Variants in TAFA1 observed in about 807,000 individuals in gnomAD.
TAFA1 encodes chemokine-like protein TAFA-1.
In TAFA1, 4 loss-of-function variants were observed where a neutral mutation model predicts 18.5. The ratio of observed to expected loss-of-function variants is 0.22; its 90% CI spans 0.11 to 0.49. The LOEUF is 0.49. Ranked by LOEUF, TAFA1 falls within the 20% of genes least tolerant of loss-of-function variation. The probability of loss-of-function intolerance (pLI) is 0.98; values close to 1 mark genes in which losing one functional copy is unlikely to be tolerated. For synonymous variants in TAFA1, 56 were observed against 55.2 expected (o/e 1.01, Z -0.06); for missense variants, 147 against 169.0 (o/e 0.87, Z 0.72).
intron 2 of TAFA1, among the ~76,000 whole-genome samples, chr3:68,039,854 CAG>C (rs956394297): frequency 6.6e-6 from 1 of 152,170 alleles, no homozygotes; most frequent in African/African-American, 2.4e-5. Context: ...GGACATACCT[CAG>C]AGAAGTCCCA....
At chr3:68,139,392 A>T (rs1412879354) in intron 2 of TAFA1, among the ~76,000 whole-genome samples, 3 of 152,180 alleles carry the variant, frequency 2.0e-5, no homozygotes, top group Non-Finnish European at 1.5e-5. Context: ...AATGTACTGT[A>T]AGCATTGCTT....
chr3:68,052,118 A>G (rs1421987185), intron 2 of TAFA1, among the ~76,000 whole-genome samples: 1 of 152,156 alleles, frequency 6.6e-6, no homozygotes, highest in African/African-American at 2.4e-5. Context: ...GATTTTTGAA[A>G]TGGAATATCC....
At chr3:68,304,897 C>A (rs977456501) in intron 2 of TAFA1, among the ~76,000 whole-genome samples, 2 of 152,044 alleles carry the variant, frequency 1.3e-5, no homozygotes, top group African/African-American at 2.4e-5. Context: ...CAAAAGGTCA[C>A]CCCAGTAGAC....
chr3:68,066,839 G>A (rs546948074), intron 2 of TAFA1, among the ~76,000 whole-genome samples: 1 of 152,266 alleles, frequency 6.6e-6, no homozygotes. Context: ...ATACAAAATA[G>A]CTGGGAAGAA....
intron 2 of TAFA1, among the ~76,000 whole-genome samples, chr3:68,346,183 G>T (rs1419250095): frequency 2.0e-5 from 3 of 152,074 alleles, no homozygotes; most frequent in East Asian, 1.9e-4. Context: ...TTGAAACAGG[G>T]TTTTACTTTG....
Position 68,317,062 on chromosome 3 carries a change from T to A in TAFA1, c.119-100218T>A, listed in dbSNP as rs183892369. ...GGTACAGGATAAGACAAAAAGTAAG[T>A]CAAACTAAATACATATTAATTGAAG... On this transcript the variant is annotated intron_variant, in intron 2 of 4. Transcript: ENST00000478136. Among the ~76,000 whole-genome samples, 15 of 152,226 alleles carry A rather than the reference T, an allele frequency of 9.9e-5. No individual in the cohort carries two copies. The East Asian group carries it at 2.9e-3, about 29-fold the overall frequency.
intron 2 of TAFA1, among the ~76,000 whole-genome samples, chr3:68,294,623 AT>A (rs1483226135): frequency 5.3e-5 from 8 of 152,168 alleles, no homozygotes; most frequent in African/African-American, 1.7e-4. Context: ...GGTGGCTCAC[AT>A]CTATAATCTC....
rs1219091015 is a variant in TAFA1, at chr3:68,030,119, TATC to T, written c.118+23378_118+23380del. ...AAGAAATTAGAGAATATACTTAAAA[TATC>T]ATGAGAATAAAGATAAATGGAAATA... On this transcript the variant is annotated intron_variant, in intron 2 of 4. Coordinates refer to ENST00000478136, the MANE Select transcript of TAFA1 (RefSeq NM_213609.4). Among the ~76,000 whole-genome samples, 3 of 152,150 alleles carry T rather than the reference TATC, an allele frequency of 2.0e-5. No homozygotes were observed. The East Asian group carries it at 5.8e-4, about 29-fold the overall frequency.
chr3:68,343,467 A>T (rs1288907603), intron 2 of TAFA1, among the ~76,000 whole-genome samples: 1 of 152,342 alleles, frequency 6.6e-6, no homozygotes, highest in South Asian at 2.1e-4. Context: ...TATGTATGAT[A>T]GTAGTCTCTT....
At chr3:68,458,740 AC>A (rs1434238014) in intron 3 of TAFA1, among the ~76,000 whole-genome samples, 1 of 152,130 alleles carries the variant, frequency 6.6e-6, no homozygotes, top group African/African-American at 2.4e-5. Flanking sequence ...TGCTGGGGAA[AC>A]AATCTTTCAT....
chr3:68,476,082 T>G (rs1478114605), intron 3 of TAFA1, among the ~76,000 whole-genome samples: 1 of 152,192 alleles, frequency 6.6e-6, no homozygotes, highest in Non-Finnish European at 1.5e-5. Flanking sequence ...TTGAGTAGAT[T>G]GCAAAAATTT....
chr3:68,294,102 T>G (rs2068163832), intron 2 of TAFA1, among the ~76,000 whole-genome samples: 1 of 152,198 alleles, frequency 6.6e-6, no homozygotes, highest in Non-Finnish European at 1.5e-5. Context: ...GGGAATATTT[T>G]ATAATATTCT....
intron 2 of TAFA1, among the ~76,000 whole-genome samples, chr3:68,085,881 C>G (rs868734709): frequency 6.6e-6 from 1 of 152,210 alleles, no homozygotes; most frequent in African/African-American, 2.4e-5. Flanking sequence ...ATCTGCAACA[C>G]AGTATCCAGC....
chr3:68,211,283 G>C (rs1179618832), intron 2 of TAFA1, among the ~76,000 whole-genome samples: 1 of 151,902 alleles, frequency 6.6e-6, no homozygotes, highest in African/African-American at 2.4e-5. Context: ...CCAATATGTA[G>C]GTATAACACA....
At chr3:68,258,582 G>A (rs1358878568) in intron 2 of TAFA1, among the ~76,000 whole-genome samples, 1 of 152,170 alleles carries the variant, frequency 6.6e-6, no homozygotes, top group African/African-American at 2.4e-5. Context: ...GAATCTAAGT[G>A]TTCAGAGAAT....
chr3:68,056,663 T>C (rs2064540412), intron 2 of TAFA1, among the ~76,000 whole-genome samples: 2 of 152,140 alleles, frequency 1.3e-5, no homozygotes, highest in South Asian at 2.1e-4. Flanking sequence ...GCTTCAGAAA[T>C]TTCCCAGTAG....
the TAFA1 span, among the ~76,000 whole-genome samples, chr3:67,997,425 CA>C: frequency 2.6e-5 from 4 of 152,132 alleles, no homozygotes. Flanking sequence ...TTCATTATCT[CA>C]TTCCTGCTGT....
At chr3:68,182,884 T>A (rs2066221905) in intron 2 of TAFA1, among the ~76,000 whole-genome samples, 1 of 152,186 alleles carries the variant, frequency 6.6e-6, no homozygotes, top group Non-Finnish European at 1.5e-5. Flanking sequence ...GTGATAAGAA[T>A]AGGTTGGATT....
At chr3:68,114,738 T>A (rs745643225) in intron 2 of TAFA1, among the ~76,000 whole-genome samples, 10 of 152,226 alleles carry the variant, frequency 6.6e-5, no homozygotes, top group Non-Finnish European at 1.2e-4. Flanking sequence ...ATTTGTATAC[T>A]AAGAAATATA....
Sources: allele counts gnomAD v4.1 joint callset (sites outside exome capture counted in the v4.1 genomes callset), GRCh38; gene constraint gnomAD v4.1.1; transcripts MANE v1.5; gene names NCBI Gene and HGNC (gene_info 2026-07-23, HGNC 2026-07-21).